HOOK3: variants seen among roughly 807,000 people sequenced by gnomAD.
The protein encoded by HOOK3 is protein Hook homolog 3.
HOOK3 carries 24 observed loss-of-function variants against 116.3 expected under a neutral mutation model. That is an observed-to-expected ratio of 0.21 (90% CI 0.15 to 0.29). The LOEUF (loss-of-function observed/expected upper bound fraction) is 0.29. Among genes scored for constraint, HOOK3 ranks in the 10% least tolerant of loss-of-function variants. The pLI is 1.00. For missense variants in HOOK3, 632 were observed against 830.2 expected (o/e 0.76, Z 2.93); for synonymous variants, 275 against 283.0 (o/e 0.97, Z 0.28).
At position 42,973,049 on chromosome 8, in the gene HOOK3, G is replaced by GAA. The variant is rs1808753094; in HGVS notation, c.1123-237_1123-236dup. 2.6e-5 allele frequency among the ~76,000 whole-genome samples: 4 copies of GAA among 152,262 alleles called. No individual in the cohort carries two copies. The South Asian group carries it at 8.3e-4, about 32-fold the overall frequency. On this transcript the variant is annotated intron_variant, in intron 11 of 21. Coordinates refer to ENST00000307602, the MANE Select transcript of HOOK3 (RefSeq NM_032410.4). ...CCTGGTTATCTCTATTGCTAGAAAT[G>GAA]AAAATCCTATAGATTCGTTTATGAT...
At position 42,977,702 on chromosome 8, in the gene HOOK3, AC is replaced by A. The variant is rs1332213640; in HGVS notation, c.1321+3509del. Among the ~76,000 whole-genome samples the A allele has an allele frequency of 3.3e-5, 5 of 152,158 alleles. No individual in the cohort carries two copies. In the South Asian group the frequency reaches 6.2e-4, roughly 19 times the overall value. ...GCCAACATAGCAAAACTCCGCCTCTACTAAAAATAGAAAAATTAGCCAGGCA... is the reference window on the plus strand; with the variant it reads ...GCCAACATAGCAAAACTCCGCCTCTATAAAAATAGAAAAATTAGCCAGGCA... On this transcript the variant is annotated intron_variant, in intron 13 of 21. Coordinates refer to ENST00000307602, the MANE Select transcript of HOOK3 (RefSeq NM_032410.4).
chr8:42,983,415 G>T (rs1007661711), intron 14 of HOOK3, among the ~76,000 whole-genome samples: 1 of 151,632 alleles, frequency 6.6e-6, no homozygotes, highest in African/African-American at 2.4e-5. Flanking sequence ...AGGAGGAAAT[G>T]ACTCCCCATC....
chr8:42,974,234 T>C lies in HOOK3; in HGVS notation c.1321+40T>C. ...CGAGTACAAACCAGATGATTTCTTT[T>C]TTTTTTGAGACGGGAGTTTCACTCT... On this transcript the variant is annotated intron_variant, in intron 13 of 21. Coordinates refer to ENST00000307602, the MANE Select transcript of HOOK3 (RefSeq NM_032410.4). The C allele has an allele frequency of 2.1e-6, 3 of 1,462,690 alleles. No homozygotes were observed. In the Admixed American group the frequency reaches 5.1e-5, roughly 25 times the overall value. The allele number at this position is 1,462,690 out of a possible 1,614,324, so 90.6% of individuals were successfully genotyped here.
chr8:42,988,923 A>G (rs982183579), intron 15 of HOOK3, among the ~76,000 whole-genome samples: 2 of 152,188 alleles, frequency 1.3e-5, no homozygotes, highest in Non-Finnish European at 2.9e-5. Flanking sequence ...ATGAGTATTT[A>G]TATTACCTTG....
intron 8 of HOOK3, among the ~76,000 whole-genome samples, chr8:42,962,669 T>C (rs1489583700): frequency 6.6e-6 from 1 of 152,098 alleles, no homozygotes; most frequent in Non-Finnish European, 1.5e-5. Context: ...TCTCCCAAAG[T>C]GCTAGGATTA....
chr8:42,992,065 T>C (rs1001536529), intron 15 of HOOK3, among the ~76,000 whole-genome samples: 1 of 152,190 alleles, frequency 6.6e-6, no homozygotes, highest in African/African-American at 2.4e-5. Context: ...ATGGGATTCT[T>C]GATTTCTTTT....
In HOOK3 at chr8:42,907,419, T is replaced by C. The variant is rs539683966; in HGVS notation, c.143+1161T>C. Reference sequence around the variant, plus strand: ...AATGCATGGTACATTTTTCCAGATATATAGGCACACAGATTTTTTAATGAA... The same window carrying C: ...AATGCATGGTACATTTTTCCAGATACATAGGCACACAGATTTTTTAATGAA... On this transcript the variant is annotated intron_variant, in intron 2 of 21. Coordinates refer to ENST00000307602, the MANE Select transcript of HOOK3 (RefSeq NM_032410.4). Among the ~76,000 whole-genome samples, 21 of 152,300 alleles carry C rather than the reference T, an allele frequency of 1.4e-4. No individual in the cohort carries two copies. The South Asian group carries it at 4.3e-3, about 32-fold the overall frequency.
chr8:42,930,052 A>AT (rs1363269892), intron 3 of HOOK3, 70 bp from the exon 4 acceptor site: 1 of 1,423,134 alleles, frequency 7.0e-7, no homozygotes, highest in Non-Finnish European at 9.5e-7. Context: ...TGGCTCAGAA[A>AT]TTTTTTATGT....
At position 43,021,198 on chromosome 8, in the gene HOOK3, T is replaced by G. The variant is rs1809821607; in HGVS notation, c.*2700T>G. The G allele has an allele frequency of 4.7e-6, 1 of 212,502 alleles. No homozygotes were observed. Among genetic ancestry groups the G allele is most frequent in the Admixed American group, 5.9e-5 (1 of 16,970 alleles). 13.2% of individuals were successfully genotyped at this position (212,502 alleles called of 1,614,324 possible). A position where few individuals can be genotyped will look rare whatever the true frequency, so the allele number is the denominator to read the frequency against. On this transcript the variant is annotated 3_prime_UTR_variant, in exon 22 of 22. Coordinates refer to ENST00000307602, the MANE Select transcript of HOOK3 (RefSeq NM_032410.4). ...AGATGAGAGGTTTTCATTTTCATTT[T>G]CTATTTACAGCCCCAGTCCTAATCT...
chr8:42,915,645 T>C (rs182084375), intron 2 of HOOK3, among the ~76,000 whole-genome samples: 12 of 152,236 alleles, frequency 7.9e-5, no homozygotes, highest in Middle Eastern at 3.4e-3. Context: ...TTGGCCAGAC[T>C]GCTCTCGAAC....
chr8:42,974,213 T>A lies in HOOK3; in HGVS notation c.1321+19T>A. The A allele has an allele frequency of 6.4e-7, 1 of 1,559,914 alleles. No individual in the cohort carries two copies. Among genetic ancestry groups the A allele is most frequent in the Non-Finnish European group, 8.8e-7 (1 of 1,133,024 alleles). On this transcript the variant is annotated intron_variant, in intron 13 of 21. Coordinates refer to ENST00000307602, the MANE Select transcript of HOOK3 (RefSeq NM_032410.4). Reference sequence around the variant, plus strand: ...ACACAAGGTAAAAACGTTTTGCGAGTACAAACCAGATGATTTCTTTTTTTT... The same window carrying A: ...ACACAAGGTAAAAACGTTTTGCGAGAACAAACCAGATGATTTCTTTTTTTT...
intron 2 of HOOK3, among the ~76,000 whole-genome samples, chr8:42,917,271 C>G (rs763197552): frequency 1.3e-5 from 2 of 152,200 alleles, no homozygotes; most frequent in South Asian, 2.1e-4. Context: ...TTGAGGTGAT[C>G]ATCAGCCTGG....
chr8:43,011,899 A>G (rs2130488915), intron 19 of HOOK3, among the ~76,000 whole-genome samples: 1 of 152,266 alleles, frequency 6.6e-6, no homozygotes, highest in African/African-American at 2.4e-5. Flanking sequence ...ATAAAACTAA[A>G]TAAAAATATT....
chr8:42,960,719 TAA>T (rs900608707), intron 8 of HOOK3, among the ~76,000 whole-genome samples: 1 of 152,174 alleles, frequency 6.6e-6, no homozygotes, highest in Non-Finnish European at 1.5e-5. Flanking sequence ...TTATTTGTCA[TAA>T]AGTGTCAGGC....
Position 42,982,539 on chromosome 8 carries a change from A to G in HOOK3, c.1322-88A>G, listed in dbSNP as rs78079854. Reference sequence around the variant, plus strand: ...TTACTTGAAAATGATTTTTGCTGTTAAAATTAATGCTCAAAGTAGGGTTTC... The same window carrying G: ...TTACTTGAAAATGATTTTTGCTGTTGAAATTAATGCTCAAAGTAGGGTTTC... On this transcript the variant is annotated intron_variant, in intron 13 of 21. Coordinates refer to ENST00000307602, the MANE Select transcript of HOOK3 (RefSeq NM_032410.4). 203 of 865,924 alleles carry G rather than the reference A, an allele frequency of 2.3e-4. No homozygotes were observed. In the East Asian group the frequency reaches 4.9e-3, roughly 21 times the overall value. The allele number at this position is 865,924 out of a possible 1,614,324, so 53.6% of individuals were successfully genotyped here.
intron 6 of HOOK3, among the ~76,000 whole-genome samples, chr8:42,953,192 G>C (rs974516874): frequency 1.3e-5 from 2 of 150,878 alleles, no homozygotes; most frequent in African/African-American, 2.4e-5. Flanking sequence ...AAGAATAAGA[G>C]GACCGCCAAC....
In HOOK3 at chr8:43,028,792, C is replaced by T. The variant is rs1809977553; in HGVS notation, c.*10294C>T. On this transcript the variant is annotated 3_prime_UTR_variant, in exon 22 of 22. Transcript: ENST00000307602. Reference sequence around the variant, plus strand: ...TGGAAATAAGGGACTAACCATAATCCTTTTGAGTCAGCTTGGTGCTTACAA... The same window carrying T: ...TGGAAATAAGGGACTAACCATAATCTTTTTGAGTCAGCTTGGTGCTTACAA... 1 of 198,140 alleles carries T rather than the reference C, an allele frequency of 5.0e-6. No homozygotes were observed. Among genetic ancestry groups the T allele is most frequent in the Admixed American group, 6.1e-5 (1 of 16,502 alleles). 12.3% of individuals were successfully genotyped at this position (198,140 alleles called of 1,614,324 possible).
chr8:42,961,763 TA>T (rs1808537811), intron 8 of HOOK3, among the ~76,000 whole-genome samples: 2 of 152,198 alleles, frequency 1.3e-5, no homozygotes, highest in Non-Finnish European at 2.9e-5. Flanking sequence ...TTTGCTTTGT[TA>T]TTTTCTTAAA....
intron 6 of HOOK3, among the ~76,000 whole-genome samples, chr8:42,951,211 C>G (rs1380170203): frequency 6.6e-6 from 1 of 152,118 alleles, no homozygotes; most frequent in Non-Finnish European, 1.5e-5. Flanking sequence ...CAAGCACATG[C>G]CACCACGCCT....
Sources: allele counts gnomAD v4.1 joint callset (sites outside exome capture counted in the v4.1 genomes callset), GRCh38; gene constraint gnomAD v4.1.1; transcripts MANE v1.5; gene names NCBI Gene and HGNC (gene_info 2026-07-23, HGNC 2026-07-21).